Variants in PRR4 observed in about 807,000 individuals in gnomAD.
The protein encoded by PRR4 is proline rich 4, also known as proline-rich protein 4.
In PRR4, 7 loss-of-function variants were observed where a neutral mutation model predicts 7.6. The ratio of observed to expected loss-of-function variants is 0.92; its 90% CI spans 0.52 to 1.73. PRR4 has a LOEUF of 1.73. Among genes scored for constraint, PRR4 ranks in the 40% most tolerant of loss-of-function variants. PRR4 has a pLI of 0.00. For synonymous variants in PRR4, 64 were observed against 58.5 expected (o/e 1.09, Z -0.43); for missense variants, 187 against 161.0 (o/e 1.16, Z -0.87).
At chr12:10,848,045 G>T (rs1280900709) in intron 2 of PRR4, among the ~76,000 whole-genome samples, 1 of 152,168 alleles carries the variant, frequency 6.6e-6, no homozygotes, top group Non-Finnish European at 1.5e-5. Flanking sequence ...AAGCAGTTAA[G>T]GATGGAGGAG....
chr12:10,848,168 T>C (rs897171147), intron 2 of PRR4, among the ~76,000 whole-genome samples: 15 of 152,168 alleles, frequency 9.9e-5, no homozygotes, highest in African/African-American at 3.4e-4. Context: ...TGTATTCAAG[T>C]TGGTGGCCTG....
At chr12:10,847,007 A>G in intron 3 of PRR4, 38 bp downstream of exon 3, 1 of 1,466,466 alleles carries the variant, frequency 6.8e-7, no homozygotes, top group Non-Finnish European at 9.2e-7. Flanking sequence ...GAATGGTAGC[A>G]GTTTGGGCAT....
intron 3 of PRR4, among the ~76,000 whole-genome samples, chr12:10,846,621 G>T (rs1949021029): frequency 6.6e-6 from 1 of 152,066 alleles, no homozygotes; most frequent in Admixed American, 6.5e-5. Flanking sequence ...GTATCATTTA[G>T]CAGGGACACT....
chr12:10,846,100 T>C (rs1301109966), intron 3 of PRR4, 150 bp from the exon 4 acceptor site: 1 of 514,462 alleles, frequency 1.9e-6, no homozygotes, highest in African/African-American at 2.0e-5. Context: ...TTGGTTACTG[T>C]TCAAAACATT....
At position 10,845,860 on chromosome 12, in the gene PRR4, T is replaced by C; in HGVS notation, c.*109A>G. 9.6e-7 allele frequency: 1 copy of C among 1,041,866 alleles called. No individual in the cohort carries two copies. Among genetic ancestry groups the C allele is most frequent in the Non-Finnish European group, 1.3e-6 (1 of 788,988 alleles). 64.5% of individuals were successfully genotyped at this position (1,041,866 alleles called of 1,614,324 possible). On this transcript the variant is annotated 3_prime_UTR_variant, in exon 4 of 4. Coordinates refer to ENST00000228811, the MANE Select transcript of PRR4 (RefSeq NM_007244.3). ...GCAACAATCAGAAATTGCATGCTAT[T>C]AATATTTTATTGGTATACTGAAGAA...
chr12:10,846,005 A>G (rs1384758081), intron 3 of PRR4, 55 bp from the exon 4 acceptor site: 2 of 1,160,252 alleles, frequency 1.7e-6, no homozygotes, highest in African/African-American at 3.2e-5. Context: ...ACATGGCAAA[A>G]CTTATCTAAT....
intron 3 of PRR4, among the ~76,000 whole-genome samples, chr12:10,846,691 G>A (rs1190866888): frequency 6.6e-6 from 1 of 152,200 alleles, no homozygotes. Flanking sequence ...GGAAACCTGA[G>A]AGAAACCTGA....
chr12:10,845,982 T>C, intron 3 of PRR4, 32 bp from the exon 4 acceptor site: 1 of 1,292,708 alleles, frequency 7.7e-7, no homozygotes, highest in Non-Finnish European at 1.0e-6. Flanking sequence ...AGGAAATTTA[T>C]ACACAACATA....
chr12:10,847,554 T>C (rs1949036957), intron 2 of PRR4, among the ~76,000 whole-genome samples, 187 bp from the exon 3 acceptor site: 1 of 151,328 alleles, frequency 6.6e-6, no homozygotes, highest in Admixed American at 6.6e-5. Flanking sequence ...CATGTAAGAG[T>C]GATATGGAAA....
Position 10,847,322 on chromosome 12 carries a change from G to A in PRR4, c.146C>T (p.Pro49Leu), listed in dbSNP as rs932528980. 4 of 1,575,020 alleles carry A rather than the reference G, an allele frequency of 2.5e-6. No individual in the cohort carries two copies. The highest frequency in any genetic ancestry group is 3.5e-6 in the Non-Finnish European group (4 of 1,158,258). Residue 49 changes from proline to leucine, a missense_variant, in exon 3 of 4, where the codon CCT becomes CTT. Pro to Leu is a moderately conservative substitution (Grantham distance 98). Transcript: ENST00000228811. ...TCTAGGTAGGAGTCCTTCAGGAGGA[G>A]GTCTCTGGGGTCCCTGATCTGGTCT... ...SQRPDQGPQR[P>L]PPEGLLPRPP...
Sources: gnomAD v4.1 joint callset for allele counts (sites outside exome capture counted in the v4.1 genomes callset) on GRCh38, gnomAD v4.1.1 for gene constraint, MANE v1.5 for transcripts, NCBI Gene and HGNC (gene_info 2026-07-23, HGNC 2026-07-21) for gene names.